ELOVL6: variants seen among roughly 807,000 people sequenced by gnomAD.
ELOVL6 encodes the protein ELOVL fatty acid elongase 6, also known as very long chain fatty acid elongase 6.
In ELOVL6, 8 loss-of-function variants were observed where a neutral mutation model predicts 31.7. The observed-to-expected ratio is 0.25, with a 90% CI of 0.15 to 0.45. The LOEUF (loss-of-function observed/expected upper bound fraction) is 0.45, where lower values mean the gene tolerates loss of function less well. ELOVL6 is among the 20% of genes least tolerant of loss of function. ELOVL6 has a pLI of 1.00. For missense variants in ELOVL6, 126 were observed against 326.4 expected (o/e 0.39, Z 4.73); for synonymous variants, 101 against 117.7 (o/e 0.86, Z 0.92).
At chr4:110,127,772 G>A (rs1757551231) in intron 1 of ELOVL6, among the ~76,000 whole-genome samples, 1 of 152,130 alleles carries the variant, frequency 6.6e-6, no homozygotes, top group South Asian at 2.1e-4. Context: ...ATTCATTCTT[G>A]CATACAGCTA....
At chr4:110,140,153 C>G (rs1409284518) in intron 1 of ELOVL6, among the ~76,000 whole-genome samples, 1 of 152,160 alleles carries the variant, frequency 6.6e-6, no homozygotes, top group Non-Finnish European at 1.5e-5. Context: ...CTATATAAGC[C>G]CCCAAACTTG....
At chr4:110,119,226 T>A (rs966373047) in intron 1 of ELOVL6, among the ~76,000 whole-genome samples, 2 of 151,904 alleles carry the variant, frequency 1.3e-5, no homozygotes, top group Non-Finnish European at 2.9e-5. Context: ...GAACCCAGTA[T>A]GTAGAGGTTG....
chr4:110,138,192 A>T (rs991415222), intron 1 of ELOVL6, among the ~76,000 whole-genome samples: 1 of 152,236 alleles, frequency 6.6e-6, no homozygotes, highest in Non-Finnish European at 1.5e-5. Flanking sequence ...ACTTGTAAAT[A>T]TGTCTAATAA....
chr4:110,050,900 C>T lies in ELOVL6; in HGVS notation c.*438G>A, dbSNP rs1754820495. 1.2e-5 allele frequency: 2 copies of T among 167,832 alleles called. No individual in the cohort carries two copies. The highest frequency in any genetic ancestry group is 4.8e-5 in the African/African-American group (2 of 41,552). The allele number at this position is 167,832 out of a possible 1,614,324, so 10.4% of individuals were successfully genotyped here. A position where few individuals can be genotyped will look rare whatever the true frequency, so the allele number is the denominator to read the frequency against. ...TTTTCTATTGGCTCCAGTTTAGTGT[C>T]CATAAAGTTAGAAAGGATTGTGTGT... On this transcript the variant is annotated 3_prime_UTR_variant, in exon 4 of 4. Coordinates refer to ENST00000302274, the MANE Select transcript of ELOVL6 (RefSeq NM_024090.3).
chr4:110,151,902 G>T (rs60203471), intron 1 of ELOVL6, among the ~76,000 whole-genome samples: 1 of 152,108 alleles, frequency 6.6e-6, no homozygotes, highest in African/African-American at 2.4e-5. Flanking sequence ...ATAATGGATT[G>T]TACAGGGTAC....
At chr4:110,124,466 A>G (rs576570670) in intron 1 of ELOVL6, among the ~76,000 whole-genome samples, 1 of 152,300 alleles carries the variant, frequency 6.6e-6, no homozygotes, top group East Asian at 1.9e-4. Flanking sequence ...CAGAAAACCA[A>G]ACTCTGCATG....
chr4:110,064,728 C>CCCT (rs1755248756), intron 2 of ELOVL6, among the ~76,000 whole-genome samples: 2 of 152,020 alleles, frequency 1.3e-5, no homozygotes, highest in African/African-American at 4.8e-5. Flanking sequence ...GCTCAAGCAA[C>CCCT]CCTCCTGCCA....
At chr4:110,121,990 G>T (rs575635849) in intron 1 of ELOVL6, among the ~76,000 whole-genome samples, 5 of 152,110 alleles carry the variant, frequency 3.3e-5, no homozygotes, top group Middle Eastern at 3.4e-3. Flanking sequence ...GCTATATACT[G>T]GCAGCCGTAT....
At chr4:110,061,697 C>T (rs1755147777) in intron 2 of ELOVL6, among the ~76,000 whole-genome samples, 1 of 152,012 alleles carries the variant, frequency 6.6e-6, no homozygotes, top group Non-Finnish European at 1.5e-5. Flanking sequence ...GCTGGGACTA[C>T]AGGCATGCAC....
intron 2 of ELOVL6, among the ~76,000 whole-genome samples, chr4:110,084,137 G>GCT (rs1756050857): frequency 1.6e-5 from 1 of 60,908 alleles, no homozygotes; most frequent in African/African-American, 1.7e-4. Flanking sequence ...ATGTGATAAT[G>GCT]ATATATATGA....
At position 110,083,870 on chromosome 4, in the gene ELOVL6, A is replaced by G. The variant is rs184514406; in HGVS notation, c.221+21627T>C. Reference sequence around the variant, plus strand: ...TGCTTAGACTCCCTGAGATGCTGTGATGGATGCTGTGATATATATAGATAA... The same window carrying G: ...TGCTTAGACTCCCTGAGATGCTGTGGTGGATGCTGTGATATATATAGATAA... On this transcript the variant is annotated intron_variant, in intron 2 of 3. Coordinates refer to ENST00000302274, the MANE Select transcript of ELOVL6 (RefSeq NM_024090.3). 3.5e-3 allele frequency among the ~76,000 whole-genome samples: 510 copies of G among 146,930 alleles called. 17 individuals are homozygous for G. Among genetic ancestry groups the G allele is most frequent in the African/African-American group, 0.012 (494 of 39,596 alleles).
intron 2 of ELOVL6, among the ~76,000 whole-genome samples, chr4:110,079,042 A>G (rs1321214873): frequency 1.3e-5 from 2 of 152,350 alleles, no homozygotes; most frequent in East Asian, 3.9e-4. Context: ...AGAGATAACT[A>G]TCCTAAATAT....
chr4:110,164,433 C>T (rs1758711343), intron 1 of ELOVL6, among the ~76,000 whole-genome samples: 1 of 152,166 alleles, frequency 6.6e-6, no homozygotes, highest in African/African-American at 2.4e-5. Context: ...ACTCAGCTTT[C>T]ATAAGTCTGC....
intron 1 of ELOVL6, among the ~76,000 whole-genome samples, chr4:110,112,710 T>TA (rs890454388): frequency 6.6e-6 from 1 of 151,130 alleles, no homozygotes; most frequent in African/African-American, 2.4e-5. Context: ...CCCTCTCTAC[T>TA]AAAAAAACAA....
chr4:110,117,456 T>G (rs1392516102), intron 1 of ELOVL6, among the ~76,000 whole-genome samples: 3 of 152,102 alleles, frequency 2.0e-5, no homozygotes, highest in Non-Finnish European at 4.4e-5. Context: ...AGTGAGCAGT[T>G]CGATTTAAAA....
intron 1 of ELOVL6, among the ~76,000 whole-genome samples, chr4:110,156,693 C>A (rs1298758264): frequency 6.6e-6 from 1 of 152,030 alleles, no homozygotes; most frequent in Admixed American, 6.6e-5. Context: ...CTCAAAAAAA[C>A]AGAAAAAGAA....
intron 2 of ELOVL6, among the ~76,000 whole-genome samples, chr4:110,094,314 G>A (rs1326147304): frequency 6.7e-6 from 1 of 148,530 alleles, no homozygotes; most frequent in Admixed American, 6.8e-5. Flanking sequence ...AGCACTTTGG[G>A]AGACTGAGGC....
chr4:110,133,073 G>A (rs1417284950), intron 1 of ELOVL6, among the ~76,000 whole-genome samples: 1 of 152,136 alleles, frequency 6.6e-6, no homozygotes, highest in East Asian at 1.9e-4. Context: ...AATGGGAAGG[G>A]CGGGGAGCAT....
chr4:110,122,437 T>C (rs1352647586), intron 1 of ELOVL6, among the ~76,000 whole-genome samples: 1 of 152,222 alleles, frequency 6.6e-6, no homozygotes, highest in Admixed American at 6.5e-5. Flanking sequence ...TTGTGCAGGC[T>C]GGAATGCAGT....
Sources: gnomAD v4.1 joint callset for allele counts (sites outside exome capture counted in the v4.1 genomes callset) on GRCh38, gnomAD v4.1.1 for gene constraint, MANE v1.5 for transcripts, NCBI Gene and HGNC (gene_info 2026-07-23, HGNC 2026-07-21) for gene names.